OR10G8: variants seen among roughly 807,000 people sequenced by gnomAD.
OR10G8 encodes olfactory receptor family 10 subfamily G member 8, also known as olfactory receptor 10G8.
For missense variants in OR10G8, 386 were observed against 384.9 expected (o/e 1.00, Z -0.02); for synonymous variants, 173 against 163.2 (o/e 1.06, Z -0.46).
Position 124,029,693 on chromosome 11 carries a change from C to T in OR10G8, c.71C>T (p.Pro24Leu), listed in dbSNP as rs543289111. The change falls in exon 2 of 2, where the codon CCC (proline) becomes CTC (leucine). Residue 24 changes from proline (P) to leucine (L), a missense_variant. Physicochemically the swap from Pro to Leu is moderately conservative, Grantham distance 98. Transcript: ENST00000641224. ...CCCCATGCCCCAGCGCTGGACGCCC[C>T]CCTCTTTGGAGTCTTCCTGGTGGTT... ...GLPHAPALDAPLFGVFLVVYV... is the reference protein window; with the variant it reads ...GLPHAPALDALLFGVFLVVYV... The T allele has an allele frequency of 1.2e-4, 192 of 1,613,958 alleles. 1 individual carries two copies. In the South Asian group the frequency reaches 1.7e-3, roughly 14 times the overall value.
At chr11:124,029,318 T>C (rs777663289) in intron 1 of OR10G8, among the ~76,000 whole-genome samples, 1 of 152,070 alleles carries the variant, frequency 6.6e-6, no homozygotes, top group African/African-American at 2.4e-5. Flanking sequence ...TAAATTTGCA[T>C]GTTTTAAGCC....
Position 124,029,594 on chromosome 11 carries a change from A to G in OR10G8, c.-27-2A>G. 6.2e-7 allele frequency: 1 copy of G among 1,601,308 alleles called. No individual in the cohort carries two copies. On this transcript the variant is annotated splice_acceptor_variant, in intron 1 of 1. Coordinates refer to ENST00000641224, the MANE Select transcript of OR10G8 (RefSeq NM_001004464.2). LOFTEE classifies it low-confidence loss of function (5UTR_SPLICE). ...AATGCTGGGTGCTCTTTATATTCCC[A>G]GAGGGAGAGAGACCAAGGGTGAGAA...
At chr11:124,028,863 T>A (rs752361241) in intron 1 of OR10G8, among the ~76,000 whole-genome samples, 1 of 152,214 alleles carries the variant, frequency 6.6e-6, no homozygotes, top group Non-Finnish European at 1.5e-5. Context: ...GCCTTCAAGA[T>A]TCCTGCTGTC....
chr11:124,027,457 A>G (rs528255280), intron 1 of OR10G8, among the ~76,000 whole-genome samples: 3 of 152,330 alleles, frequency 2.0e-5, no homozygotes, highest in African/African-American at 7.2e-5. Context: ...CAAAGTTGCT[A>G]TGTATACTTC....
At position 124,027,790 on chromosome 11, in the gene OR10G8, C is replaced by T. The variant is rs144669780; in HGVS notation, c.-28+923C>T. ...TCTGGGATTTCTGAAGGGCAGAGAT[C>T]ATGGCTTCTCTCACACTGGTGAACA... On this transcript the variant is annotated intron_variant, in intron 1 of 1. Coordinates refer to ENST00000641224, the MANE Select transcript of OR10G8 (RefSeq NM_001004464.2). 7.9e-5 allele frequency among the ~76,000 whole-genome samples: 12 copies of T among 152,310 alleles called. No individual in the cohort carries two copies. In the East Asian group the frequency reaches 2.3e-3, roughly 29 times the overall value.
rs1864144094 is a variant in OR10G8, at chr11:124,030,160, G to A, written c.538G>A (p.Ala180Thr). 2 of 1,614,024 alleles carry A rather than the reference G, an allele frequency of 1.2e-6. No homozygotes were observed. The highest frequency in any genetic ancestry group is 2.7e-5 in the African/African-American group (2 of 75,048). Residue 180 changes from alanine (A) to threonine (T), a missense_variant, in exon 2 of 2, where the codon GCA becomes ACA. Physicochemically the swap from Ala to Thr is moderately conservative, Grantham distance 58. Coordinates refer to ENST00000641224, the MANE Select transcript of OR10G8 (RefSeq NM_001004464.2). ...PNWIQHYLCD[A>T]PPILKLACAD... ...CTGGATCCAGCACTATTTGTGTGAT[G>A]CACCGCCCATCCTGAAACTGGCCTG... is the stretch of plus-strand genomic sequence containing the variant.
Position 124,029,577 on chromosome 11 carries a change from G to T in OR10G8, c.-27-19G>T, listed in dbSNP as rs1864134623. On this transcript the variant is annotated intron_variant, in intron 1 of 1. Transcript: ENST00000641224. ...TTCTCAATTAAGTGCTAAATGCTGGGTGCTCTTTATATTCCCAGAGGGAGA... is the reference window on the plus strand; with the variant it reads ...TTCTCAATTAAGTGCTAAATGCTGGTTGCTCTTTATATTCCCAGAGGGAGA... 6.3e-7 allele frequency: 1 copy of T among 1,577,162 alleles called. No individual in the cohort carries two copies.
Position 124,030,473 on chromosome 11 carries a change from C to G in OR10G8, c.851C>G (p.Pro284Arg), listed in dbSNP as rs745425502. The change falls in exon 2 of 2, where the codon CCT becomes CGT. Residue 284 changes from proline (P) to arginine (R), a missense_variant. Coordinates refer to ENST00000641224, the MANE Select transcript of OR10G8 (RefSeq NM_001004464.2). ...FYTVLTPLLN[P>R]VVYTLRNKEV... Reference sequence around the variant, plus strand: ...ACTGTGCTGACGCCCCTTCTCAACCCTGTTGTGTACACCCTGAGGAACAAG... The same window carrying G: ...ACTGTGCTGACGCCCCTTCTCAACCGTGTTGTGTACACCCTGAGGAACAAG... 1.4e-5 allele frequency: 22 copies of G among 1,614,024 alleles called. No homozygotes were observed. The Middle Eastern group carries it at 4.9e-4, about 36-fold the overall frequency.
chr11:124,027,106 C>A (rs1310163310), intron 1 of OR10G8, among the ~76,000 whole-genome samples: 1 of 152,262 alleles, frequency 6.6e-6, no homozygotes, highest in Non-Finnish European at 1.5e-5. Flanking sequence ...CCATTCCCTG[C>A]ACTTCAACTG....
intron 1 of OR10G8, among the ~76,000 whole-genome samples, chr11:124,028,281 G>T (rs998506536): frequency 2.0e-5 from 3 of 152,158 alleles, no homozygotes; most frequent in Non-Finnish European, 4.4e-5. Flanking sequence ...CAGAAATGGG[G>T]GCAGGGGACA....
chr11:124,028,578 T>C (rs1565594226), intron 1 of OR10G8, among the ~76,000 whole-genome samples: 1 of 152,226 alleles, frequency 6.6e-6, no homozygotes, highest in Non-Finnish European at 1.5e-5. Context: ...CATAATGTGA[T>C]AAGACTCACT....
Position 124,030,167 on chromosome 11 carries a change from C to G in OR10G8, c.545C>G (p.Pro182Arg), listed in dbSNP as rs1430571635. 1 of 1,613,926 alleles carries G rather than the reference C, an allele frequency of 6.2e-7. No homozygotes were observed. Among genetic ancestry groups the G allele is most frequent in the Non-Finnish European group, 8.5e-7 (1 of 1,179,916 alleles). The change falls in exon 2 of 2, where the codon CCC becomes CGC. Residue 182 changes from proline (P) to arginine (R), a missense_variant. Coordinates refer to ENST00000641224, the MANE Select transcript of OR10G8 (RefSeq NM_001004464.2). ...WIQHYLCDAP[P>R]ILKLACADTS... ...CAGCACTATTTGTGTGATGCACCGC[C>G]CATCCTGAAACTGGCCTGTGCAGAC...
chr11:124,030,618 G>C lies in OR10G8; in HGVS notation c.*60G>C. On this transcript the variant is annotated 3_prime_UTR_variant, in exon 2 of 2. Coordinates refer to ENST00000641224, the MANE Select transcript of OR10G8 (RefSeq NM_001004464.2). ...AATAGTGCTGTGAAAAACATACAGGGGCAGGTATCTTTTGGATGTAATGAA... is the reference window on the plus strand; with the variant it reads ...AATAGTGCTGTGAAAAACATACAGGCGCAGGTATCTTTTGGATGTAATGAA... 7.5e-7 allele frequency: 1 copy of C among 1,341,062 alleles called. No individual in the cohort carries two copies. The highest frequency in any genetic ancestry group is 1.0e-6 in the Non-Finnish European group (1 of 981,152). 83.1% of individuals were successfully genotyped at this position (1,341,062 alleles called of 1,614,324 possible).
At chr11:124,029,288 C>A (rs1864132279) in intron 1 of OR10G8, among the ~76,000 whole-genome samples, 1 of 152,006 alleles carries the variant, frequency 6.6e-6, no homozygotes, top group Non-Finnish European at 1.5e-5. Context: ...CTGACCTGAC[C>A]CACAGAGAGG....
rs752585447 is a variant in OR10G8, at chr11:124,030,270, C to T, written c.648C>T (p.Ser216=). ...ASGCFVLIVL[S]YVSIVCSILR... ...GCTGCTTTGTCCTGATAGTGCTGTC[C>T]TATGTGTCCATCGTCTGTTCCATCC... The change falls in exon 2 of 2, where the codon TCC becomes TCT. Residue 216 remains serine, a synonymous_variant. Coordinates refer to ENST00000641224, the MANE Select transcript of OR10G8 (RefSeq NM_001004464.2). The T allele has an allele frequency of 4.3e-6, 7 of 1,614,112 alleles. No individual in the cohort carries two copies. The highest frequency in any genetic ancestry group is 4.5e-5 in the East Asian group (2 of 44,902).
intron 1 of OR10G8, among the ~76,000 whole-genome samples, chr11:124,028,173 G>C (rs747841403): frequency 2.3e-4 from 35 of 152,224 alleles, no homozygotes; most frequent in Non-Finnish European, 4.0e-4. Context: ...GGTAGAAGGA[G>C]TATGAAAGAC....
At chr11:124,028,266 G>A in intron 1 of OR10G8, among the ~76,000 whole-genome samples, 1 of 152,176 alleles carries the variant, frequency 6.6e-6, no homozygotes, top group East Asian at 1.9e-4. Flanking sequence ...AGTGTTCTAG[G>A]GTAGCAGAAA....
chr11:124,030,274 G>A lies in OR10G8; in HGVS notation c.652G>A (p.Val218Met). Residue 218 changes from valine to methionine, a missense_variant, in exon 2 of 2, where the codon GTG (valine) becomes ATG (methionine). Transcript: ENST00000641224. ...GCFVLIVLSY[V>M]SIVCSILRIR... ...CTTTGTCCTGATAGTGCTGTCCTAT[G>A]TGTCCATCGTCTGTTCCATCCTGCG... 1 of 1,614,238 alleles carries A rather than the reference G, an allele frequency of 6.2e-7. No individual in the cohort carries two copies. The highest frequency in any genetic ancestry group is 1.6e-4 in the Middle Eastern group (1 of 6,062).
rs1295029473 is a variant in OR10G8, at chr11:124,030,195, C to G, written c.573C>G (p.Thr191=). The G allele has an allele frequency of 3.7e-6, 6 of 1,614,114 alleles. No individual in the cohort carries two copies. The highest frequency in any genetic ancestry group is 5.1e-6 in the Non-Finnish European group (6 of 1,179,948). ...TCCTGAAACTGGCCTGTGCAGACACCTCAGCCATAGAGACTGTCATTTTTG... is the reference window on the plus strand; with the variant it reads ...TCCTGAAACTGGCCTGTGCAGACACGTCAGCCATAGAGACTGTCATTTTTG... The part of the protein sequence containing the change: ...PPILKLACAD[T]SAIETVIFVT... The change falls in exon 2 of 2, where the codon ACC becomes ACG. Residue 191 remains threonine (T), a synonymous_variant. Transcript: ENST00000641224.
Sources: gnomAD v4.1 joint callset for allele counts (sites outside exome capture counted in the v4.1 genomes callset) on GRCh38, gnomAD v4.1.1 for gene constraint, MANE v1.5 for transcripts, NCBI Gene and HGNC (gene_info 2026-07-23, HGNC 2026-07-21) for gene names.